The following TACC2 variants were observed in gnomAD, a reference collection of about 807,000 sequenced individuals.
TACC2 encodes the protein transforming acidic coiled-coil-containing protein 2.
In TACC2, 137 loss-of-function variants were observed where a neutral mutation model predicts 227.3. The ratio of observed to expected loss-of-function variants is 0.60; its 90% confidence interval spans 0.52 to 0.69. The LOEUF (loss-of-function observed/expected upper bound fraction) is 0.69. TACC2 is among the 30% of genes least tolerant of loss of function. The probability of loss-of-function intolerance (pLI) is 0.00; values close to 1 mark genes in which losing one functional copy is unlikely to be tolerated. For synonymous variants in TACC2, 1,523 were observed against 1,487.5 expected (o/e 1.02, Z -0.55); for missense variants, 3,470 against 3,694.4 (o/e 0.94, Z 1.57).
intron 19 of TACC2, among the ~76,000 whole-genome samples, chr10:122,243,196 G>A (rs572487066): frequency 2.0e-4 from 30 of 152,226 alleles, no homozygotes; most frequent in Non-Finnish European, 3.5e-4. Flanking sequence ...CACCTGCCTC[G>A]GCCTCCCAAG....
chr10:122,038,221 A>G (rs926555700), intron 2 of TACC2, among the ~76,000 whole-genome samples: 2 of 152,180 alleles, frequency 1.3e-5, no homozygotes, highest in South Asian at 2.1e-4. Flanking sequence ...GTGAGCCAAG[A>G]TGGCGCCACT....
At chr10:122,120,598 A>G (rs2085556364) in intron 5 of TACC2, among the ~76,000 whole-genome samples, 1 of 152,178 alleles carries the variant, frequency 6.6e-6, no homozygotes, top group South Asian at 2.1e-4. Context: ...TGAGAGAGTC[A>G]GAGCAGCTGG....
chr10:122,108,446 T>C (rs1308758279), intron 5 of TACC2, among the ~76,000 whole-genome samples: 5 of 141,316 alleles, frequency 3.5e-5, no homozygotes, highest in African/African-American at 1.0e-4. Flanking sequence ...TATTTTCTTT[T>C]TTTTTTTTTT....
chr10:122,190,884 TATTAC>T lies in TACC2; in HGVS notation c.5835-4148_5835-4144del, dbSNP rs1358576526. Among the ~76,000 whole-genome samples the T allele has an allele frequency of 2.0e-5, 3 of 152,204 alleles. No homozygotes were observed. The East Asian group carries it at 5.8e-4, about 29-fold the overall frequency. On this transcript the variant is annotated intron_variant, in intron 7 of 22. Coordinates refer to ENST00000369005, the MANE Select transcript of TACC2 (RefSeq NM_206862.4). ...CTTATACAAGCATATTGTAAATTGCTATTACATTACATATCGTAAAATGCTATTAC... is the reference window on the plus strand; with the variant it reads ...CTTATACAAGCATATTGTAAATTGCTATTACATATCGTAAAATGCTATTAC...
In TACC2 at chr10:122,206,294, A is replaced by T. The variant is rs538767228; in HGVS notation, c.5972-4103A>T. ...TCTCTAACACATTCGCTTTCCCTCA[A>T]CTTGGGCATTTTACTGGGCAGCACT... On this transcript the variant is annotated intron_variant, in intron 8 of 22. Coordinates refer to ENST00000369005, the MANE Select transcript of TACC2 (RefSeq NM_206862.4). Among the ~76,000 whole-genome samples, 15 of 152,180 alleles carry T rather than the reference A, an allele frequency of 9.9e-5. No homozygotes were observed. The East Asian group carries it at 1.2e-3, about 12-fold the overall frequency.
Position 122,082,901 on chromosome 10 carries a change from A to C in TACC2, c.401A>C (p.Gln134Pro), listed in dbSNP as rs1164077070. Reference sequence around the variant, plus strand: ...GCAGCGGCACCTGAAGATGGTCCTCAGACTCAGTCTCCCAGGAGGGAACCT... The same window carrying C: ...GCAGCGGCACCTGAAGATGGTCCTCCGACTCAGTCTCCCAGGAGGGAACCT... ...SPAAAPEDGP[Q>P]TQSPRREPAP... The change falls in exon 4 of 23, where the codon CAG becomes CCG. Residue 134 changes from glutamine (Q) to proline (P), a missense_variant. Gln to Pro is a moderately conservative substitution (Grantham distance 76, BLOSUM62 -1). Coordinates refer to ENST00000369005, the MANE Select transcript of TACC2 (RefSeq NM_206862.4). 1 of 1,613,308 alleles carries C rather than the reference A, an allele frequency of 6.2e-7. No individual in the cohort carries two copies. The highest frequency in any genetic ancestry group is 1.1e-5 in the South Asian group (1 of 91,082).
At chr10:122,137,761 G>A (rs1223356178) in intron 6 of TACC2, among the ~76,000 whole-genome samples, 4 of 152,122 alleles carry the variant, frequency 2.6e-5, no homozygotes, top group Non-Finnish European at 5.9e-5. Flanking sequence ...TGTTGGGAGG[G>A]GCCCACACCT....
chr10:122,059,059 A>ATTTTTTTTTTTTTT (rs370288691), intron 3 of TACC2, among the ~76,000 whole-genome samples: 3 of 119,218 alleles, frequency 2.5e-5, no homozygotes, highest in Non-Finnish European at 5.4e-5. Context: ...CGCCTGGCTA[A>ATTTTTTTTTTTTTT]TTTGTTGTTG....
chr10:122,125,158 A>G (rs950105767), intron 5 of TACC2, among the ~76,000 whole-genome samples: 9 of 152,046 alleles, frequency 5.9e-5, no homozygotes, highest in African/African-American at 2.2e-4. Context: ...CTCTCCTTCC[A>G]TCTGGAGTAA....
intron 5 of TACC2, among the ~76,000 whole-genome samples, chr10:122,091,678 TCCA>T (rs1158844419): frequency 6.0e-4 from 92 of 152,184 alleles, no homozygotes; most frequent in Non-Finnish European, 4.4e-5. Flanking sequence ...TGTGAACCCA[TCCA>T]CCATGAGGAA....
intron 1 of TACC2, among the ~76,000 whole-genome samples, chr10:122,021,074 A>T (rs1396577127): frequency 6.6e-6 from 1 of 152,162 alleles, no homozygotes; most frequent in Non-Finnish European, 1.5e-5. Context: ...TACTAAAAAT[A>T]CAAAAATTAG....
intron 7 of TACC2, among the ~76,000 whole-genome samples, chr10:122,190,221 T>C (rs1020199278): frequency 3.9e-5 from 6 of 152,238 alleles, no homozygotes; most frequent in African/African-American, 1.4e-4. Context: ...AGTAAAAACC[T>C]GAAAATATTT....
In TACC2 at chr10:122,128,958, G is replaced by C. The variant is rs903795955; in HGVS notation, c.5574-3651G>C. On this transcript the variant is annotated intron_variant, in intron 5 of 22. Transcript: ENST00000369005. ...GACACACATACCCATGTATATCATT[G>C]ATACACATAAAATGTGGATCATGCT... 8.6e-5 allele frequency among the ~76,000 whole-genome samples: 13 copies of C among 151,366 alleles called. No individual in the cohort carries two copies. In the South Asian group the frequency reaches 1.9e-3, roughly 22 times the overall value.
At chr10:122,203,689 G>C (rs1465355062) in intron 8 of TACC2, among the ~76,000 whole-genome samples, 2 of 151,600 alleles carry the variant, frequency 1.3e-5, no homozygotes, top group African/African-American at 4.9e-5. Context: ...CAGCCAGGCA[G>C]AGGGGCTCCT....
chr10:122,190,759 G>T (rs977262136), intron 7 of TACC2, among the ~76,000 whole-genome samples: 9 of 152,234 alleles, frequency 5.9e-5, no homozygotes, highest in East Asian at 1.9e-4. Flanking sequence ...ATGTGCAGCG[G>T]GGGGAGAAAC....
chr10:122,242,206 C>T (rs896796707), intron 19 of TACC2, among the ~76,000 whole-genome samples: 9 of 152,178 alleles, frequency 5.9e-5, no homozygotes, highest in African/African-American at 2.2e-4. Flanking sequence ...TGTGCCATAG[C>T]ATTATTCACA....
chr10:122,017,290 C>T (rs561814165), intron 1 of TACC2, among the ~76,000 whole-genome samples: 5 of 152,228 alleles, frequency 3.3e-5, no homozygotes, highest in South Asian at 2.1e-4. Context: ...ATCACAGCAG[C>T]GCACACAGAT....
rs369379710 is a variant in TACC2 at position 122,100,263 on chromosome 10, C to CA, written c.5573+11687dup. Among the ~76,000 whole-genome samples the CA allele has an allele frequency of 6.5e-3, 696 of 107,104 alleles. 5 individuals carry two copies. The highest frequency in any genetic ancestry group is 0.06 in the Middle Eastern group (12 of 200). The allele number at this position is 107,104 out of a possible 152,430, so 70.3% of individuals were successfully genotyped here. A position where few individuals can be genotyped will look rare whatever the true frequency, so the allele number is the denominator to read the frequency against. On this transcript the variant is annotated intron_variant, in intron 5 of 22. Coordinates refer to ENST00000369005, the MANE Select transcript of TACC2 (RefSeq NM_206862.4). ...TGGGCAACAGAGCGAGACTCTGTCT[C>CA]AAAAAAAAAAAAAAAGAAACTCTCT...
chr10:122,249,306 C>T (rs1479331255), intron 21 of TACC2, 150 bp downstream of exon 21: 5 of 734,460 alleles, frequency 6.8e-6, no homozygotes, highest in Admixed American at 4.8e-5. Flanking sequence ...AGAGAAGGCA[C>T]ACAGTTAGCA....
Sources: allele counts gnomAD v4.1 joint callset (sites outside exome capture counted in the v4.1 genomes callset), GRCh38; gene constraint gnomAD v4.1.1; transcripts MANE v1.5; gene names NCBI Gene and HGNC (gene_info 2026-07-23, HGNC 2026-07-21).